Variants in HK1 observed in about 807,000 individuals in gnomAD.
The protein encoded by HK1 is hexokinase-1.
In HK1, 28 loss-of-function variants were observed where a neutral mutation model predicts 91.6. The observed-to-expected ratio is 0.31, with a 90% confidence interval of 0.23 to 0.42. HK1 has a LOEUF of 0.42. Among genes scored for constraint, HK1 ranks in the 10% least tolerant of loss-of-function variants. The pLI is 1.00. For missense variants in HK1, 770 were observed against 1,219.8 expected (o/e 0.63, Z 5.49); for synonymous variants, 430 against 468.1 (o/e 0.92, Z 1.05).
At chr10:69,288,838 G>A in intron 3 of HK1, 1 of 1,337,814 alleles carries the variant, frequency 7.5e-7, no homozygotes, top group South Asian at 1.2e-5. Flanking sequence ...CCAGGCTGGA[G>A]TGTAGTGGCG....
At chr10:69,295,617 C>T in intron 3 of HK1, 1 of 1,587,628 alleles carries the variant, frequency 6.3e-7, no homozygotes, top group Admixed American at 1.7e-5. Context: ...CTTTACTTGT[C>T]CTGTCTTTCT....
intron 2 of HK1, among the ~76,000 whole-genome samples, chr10:69,285,741 A>G (rs1845000869): frequency 6.6e-6 from 1 of 151,954 alleles, no homozygotes; most frequent in Admixed American, 6.6e-5. Flanking sequence ...TGGAGAGTAT[A>G]TGGAGAATGG....
At chr10:69,293,847 A>ATTTC (rs1432473815) in intron 3 of HK1, among the ~76,000 whole-genome samples, 218 of 135,970 alleles carry the variant, frequency 1.6e-3, no homozygotes, top group Middle Eastern at 4.1e-3. Context: ...GCACAAGCAT[A>ATTTC]TTTCTTTCTT....
intron 1 of HK1, among the ~76,000 whole-genome samples, chr10:69,276,118 A>AAAAAAAAAATATATATATATAT: frequency 5.2e-5 from 2 of 38,272 alleles, no homozygotes; most frequent in Non-Finnish European, 1.0e-4. Context: ...AAAAAAAAAA[A>AAAAAAAAAATATATATATATAT]ATACATATAT....
Position 69,332,596 on chromosome 10 carries a change from GGTCTT to G in HK1, c.64-11229_64-11225del, listed in dbSNP as rs373281435. On this transcript the variant is annotated intron_variant, in intron 1 of 17. Coordinates refer to ENST00000359426, the MANE Select transcript of HK1 (RefSeq NM_000188.3). Reference sequence around the variant, plus strand: ...CGGGTTTTGCCATGTTGGCCAGGCTGGTCTTGAACTGGCCAAGTGATCCACCCACC... The same window carrying G: ...CGGGTTTTGCCATGTTGGCCAGGCTGGAACTGGCCAAGTGATCCACCCACC... Among the ~76,000 whole-genome samples the G allele has an allele frequency of 5.4e-4, 82 of 151,882 alleles. 2 individuals carry two copies. In the East Asian group the frequency reaches 0.013, roughly 24 times the overall value.
chr10:69,355,443 C>T (rs1041911003), intron 2 of HK1, among the ~76,000 whole-genome samples: 5 of 152,204 alleles, frequency 3.3e-5, no homozygotes, highest in African/African-American at 1.2e-4. Context: ...ACATGTGGTA[C>T]TGGCATGAAG....
At chr10:69,385,762 C>G (rs115133917) in intron 12 of HK1, among the ~76,000 whole-genome samples, 3 of 152,248 alleles carry the variant, frequency 2.0e-5, no homozygotes, top group Admixed American at 1.3e-4. Context: ...CTTCTGAAAC[C>G]CTTTTAGAGC....
chr10:69,361,877 G>A (rs1589540799), intron 3 of HK1, among the ~76,000 whole-genome samples: 1 of 152,126 alleles, frequency 6.6e-6, no homozygotes, highest in South Asian at 2.1e-4. Context: ...GAGTGCAGTG[G>A]CGCGATCTCA....
chr10:69,289,589 AGCCT>A (rs568714525), intron 3 of HK1, among the ~76,000 whole-genome samples: 2,994 of 146,702 alleles, frequency 0.02, 108 homozygotes, highest in African/African-American at 0.072. Flanking sequence ...CTTGTGCCTC[AGCCT>A]CCCTAGTAGC....
chr10:69,391,870 C>A (rs1839911388), intron 14 of HK1, among the ~76,000 whole-genome samples: 1 of 152,224 alleles, frequency 6.6e-6, no homozygotes, highest in South Asian at 2.1e-4. Flanking sequence ...AAACATAACC[C>A]TGCCTGGACG....
intron 3 of HK1, 126 bp from the exon 4 acceptor site, chr10:69,364,657 G>A: frequency 8.4e-7 from 1 of 1,191,128 alleles, no homozygotes; most frequent in Admixed American, 1.7e-5. Flanking sequence ...CAGGTCCCAG[G>A]AGTACGAGCA....
chr10:69,400,497 C>T (rs1840337155), intron 17 of HK1, among the ~76,000 whole-genome samples: 1 of 152,176 alleles, frequency 6.6e-6, no homozygotes, highest in African/African-American at 2.4e-5. Context: ...GATATTCATT[C>T]CTGCATAGCC....
At chr10:69,275,968 C>T (rs10998684) in intron 1 of HK1, among the ~76,000 whole-genome samples, 39,816 of 149,784 alleles carry the variant, frequency 0.27, 6,119 homozygotes, top group East Asian at 0.56. Flanking sequence ...CAGGTGCCTG[C>T]AATCCCAGCT....
chr10:69,345,805 T>C (rs1848521821), intron 2 of HK1, among the ~76,000 whole-genome samples: 2 of 152,132 alleles, frequency 1.3e-5, no homozygotes, highest in African/African-American at 4.8e-5. Flanking sequence ...AGTCTCAAGG[T>C]GTGATCCAAG....
At chr10:69,339,032 C>G (rs1028410012) in intron 1 of HK1, among the ~76,000 whole-genome samples, 3 of 152,208 alleles carry the variant, frequency 2.0e-5, no homozygotes, top group Non-Finnish European at 4.4e-5. Flanking sequence ...GCCTCTTTCC[C>G]AGGGAGACAG....
chr10:69,395,225 T>TC (rs1840081677), intron 16 of HK1, 120 bp downstream of exon 16: 1 of 845,480 alleles, frequency 1.2e-6, no homozygotes, highest in African/African-American at 1.7e-5. Flanking sequence ...GGATTTTTTT[T>TC]CCTCTGGAAT....
intron 3 of HK1, 58 bp from the exon 4 acceptor site, chr10:69,364,725 T>C: frequency 6.2e-7 from 1 of 1,606,806 alleles, no homozygotes; most frequent in Non-Finnish European, 8.5e-7. Flanking sequence ...GTTTATATTT[T>C]TCTATGAAAT....
intron 17 of HK1, among the ~76,000 whole-genome samples, chr10:69,400,078 T>C (rs1245411098): frequency 6.6e-6 from 1 of 152,236 alleles, no homozygotes; most frequent in African/African-American, 2.4e-5. Context: ...GCACCGTCAC[T>C]TAGAATCTGT....
At chr10:69,318,800 C>T, upstream of HK1, 6 of 1,384,236 alleles carry the variant, frequency 4.3e-6, no homozygotes, top group Non-Finnish European at 4.7e-6. Flanking sequence ...AGCGCGCGAG[C>T]TGTCGCCGCG....
Sources: gnomAD v4.1 joint callset for allele counts (sites outside exome capture counted in the v4.1 genomes callset) on GRCh38, gnomAD v4.1.1 for gene constraint, MANE v1.5 for transcripts, NCBI Gene and HGNC (gene_info 2026-07-23, HGNC 2026-07-21) for gene names.